PSD3: variants seen among roughly 807,000 people sequenced by gnomAD.
PSD3 encodes the protein PH and SEC7 domain-containing protein 3.
Under a neutral mutation model 105.5 loss-of-function variants are expected in PSD3, and 49 were observed. That is an observed-to-expected ratio of 0.46 (90% CI 0.37 to 0.59). PSD3 has a LOEUF of 0.59. PSD3 is among the 20% of genes least tolerant of loss of function. PSD3 has a pLI of 0.00. For missense variants in PSD3, 1,561 were observed against 1,263.8 expected (o/e 1.24, Z -3.57); for synonymous variants, 557 against 457.8 (o/e 1.22, Z -2.77).
intron 2 of PSD3, among the ~76,000 whole-genome samples, chr8:18,930,222 T>C (rs1005033818): frequency 6.6e-6 from 1 of 152,182 alleles, no homozygotes; most frequent in Non-Finnish European, 1.5e-5. Flanking sequence ...AAGCTGTCCA[T>C]AGAGATAGAG....
chr8:18,563,004 G>A (rs903967990), intron 14 of PSD3, among the ~76,000 whole-genome samples: 7 of 152,206 alleles, frequency 4.6e-5, no homozygotes, highest in African/African-American at 1.4e-4. Flanking sequence ...TCTGCATTAC[G>A]GCAGCACTTA....
intron 4 of PSD3, among the ~76,000 whole-genome samples, chr8:18,853,797 C>G (rs993353828): frequency 1.3e-5 from 2 of 152,180 alleles, no homozygotes; most frequent in Admixed American, 6.5e-5. Flanking sequence ...CTGGAGTTCA[C>G]ATGCAGTCTA....
chr8:18,776,492 G>A (rs335223), intron 8 of PSD3, among the ~76,000 whole-genome samples: 3 of 151,734 alleles, frequency 2.0e-5, no homozygotes, highest in African/African-American at 7.3e-5. Flanking sequence ...CAAGTGATTC[G>A]TCTGCCTCAG....
intron 1 of PSD3, among the ~76,000 whole-genome samples, chr8:18,990,523 AATC>A (rs1825733877): frequency 6.6e-6 from 1 of 151,912 alleles, no homozygotes; most frequent in Non-Finnish European, 1.5e-5. Flanking sequence ...CCTGGCCAGC[AATC>A]CTTCTCCTGG....
At position 18,760,262 on chromosome 8, in the gene PSD3, T is replaced by G. The variant is rs942578952; in HGVS notation, c.2172+5187A>C. ...TCTCACCTCACATACTGTTTTGTGA[T>G]GAGAACATTCAAAATCTATTCTCCT... On this transcript the variant is annotated intron_variant, in intron 9 of 15. Coordinates refer to ENST00000327040, the MANE Select transcript of PSD3 (RefSeq NM_015310.4). 5.3e-5 allele frequency among the ~76,000 whole-genome samples: 8 copies of G among 152,336 alleles called. No homozygotes were observed. The East Asian group carries it at 9.7e-4, about 18-fold the overall frequency.
intron 9 of PSD3, among the ~76,000 whole-genome samples, chr8:18,732,290 T>C (rs917956054): frequency 3.9e-5 from 6 of 152,108 alleles, no homozygotes; most frequent in African/African-American, 9.7e-5. Context: ...CATAGAACTA[T>C]CTGGACACAC....
rs149261930 is a variant in PSD3 at position 18,570,843 on chromosome 8, C to CTATCATTAT, written c.2784+1684_2784+1685insATAATGATA. On this transcript the variant is annotated intron_variant, in intron 14 of 15. Transcript: ENST00000327040. The stretch of plus-strand genomic sequence containing the variant: ...GATCACATTACTGTCCTGCTTAAAA[C>CTATCATTAT]TATTATTATTATTATTATTATTATT... Among the ~76,000 whole-genome samples, 620 of 117,416 alleles carry CTATCATTAT rather than the reference C, an allele frequency of 5.3e-3. 6 individuals carry two copies. Among genetic ancestry groups the CTATCATTAT allele is most frequent in the East Asian group, 0.016 (76 of 4,706 alleles). 77.0% of individuals were successfully genotyped at this position (117,416 alleles called of 152,430 possible).
chr8:18,742,247 C>CA (rs1280488070), intron 9 of PSD3, among the ~76,000 whole-genome samples: 1 of 151,554 alleles, frequency 6.6e-6, no homozygotes, highest in Non-Finnish European at 1.5e-5. Context: ...TATGATTTAC[C>CA]AAAAAAGAAA....
chr8:18,945,862 C>A (rs1191223489), intron 1 of PSD3, among the ~76,000 whole-genome samples: 3 of 84,158 alleles, frequency 3.6e-5, no homozygotes, highest in Admixed American at 3.1e-4. Flanking sequence ...GTAATCCCAG[C>A]TCTCAGGAGG....
intron 12 of PSD3, among the ~76,000 whole-genome samples, chr8:18,590,800 C>T (rs1296035980): frequency 6.6e-6 from 1 of 152,004 alleles, no homozygotes; most frequent in Non-Finnish European, 1.5e-5. Context: ...GATCTAGGGA[C>T]AGAAGAAACA....
At chr8:18,704,754 G>T (rs1426236183) in intron 9 of PSD3, among the ~76,000 whole-genome samples, 1 of 152,008 alleles carries the variant, frequency 6.6e-6, no homozygotes, top group Admixed American at 6.6e-5. Context: ...CAACATTCAT[G>T]TCTTTGTCCA....
At chr8:18,626,867 T>C (rs1806518543) in intron 11 of PSD3, among the ~76,000 whole-genome samples, 2 of 152,102 alleles carry the variant, frequency 1.3e-5, no homozygotes, top group Non-Finnish European at 2.9e-5. Flanking sequence ...TCCAAATATA[T>C]AACTAAACTG....
At chr8:18,571,452 C>A (rs1802133251) in intron 14 of PSD3, among the ~76,000 whole-genome samples, 1 of 152,114 alleles carries the variant, frequency 6.6e-6, no homozygotes, top group Non-Finnish European at 1.5e-5. Context: ...ACATTTCCTC[C>A]TTCACCTCCA....
At chr8:18,954,922 G>T (rs1217968248) in intron 1 of PSD3, among the ~76,000 whole-genome samples, 1 of 152,134 alleles carries the variant, frequency 6.6e-6, no homozygotes, top group Non-Finnish European at 1.5e-5. Flanking sequence ...CTTTGTAAGT[G>T]ACGTCACGTT....
intron 12 of PSD3, among the ~76,000 whole-genome samples, chr8:18,586,218 C>T (rs928276324): frequency 2.0e-5 from 3 of 152,142 alleles, no homozygotes; most frequent in East Asian, 1.9e-4. Flanking sequence ...GCCACTTTGG[C>T]TGGGATGGGA....
chr8:18,915,276 C>T (rs1387507639), intron 2 of PSD3, among the ~76,000 whole-genome samples: 3 of 152,106 alleles, frequency 2.0e-5, no homozygotes, highest in African/African-American at 7.2e-5. Flanking sequence ...TCTTGACACT[C>T]GTCTAGGCCA....
chr8:18,562,521 G>T (rs1801456726), intron 14 of PSD3, among the ~76,000 whole-genome samples: 1 of 152,130 alleles, frequency 6.6e-6, no homozygotes. Context: ...CTGCTGCCGG[G>T]TCTCCTCTGC....
intron 8 of PSD3, among the ~76,000 whole-genome samples, chr8:18,766,077 T>C (rs747444696): frequency 5.3e-5 from 8 of 152,208 alleles, no homozygotes; most frequent in African/African-American, 9.7e-5. Context: ...CTCATGTCTG[T>C]AATCCCAGCA....
intron 9 of PSD3, among the ~76,000 whole-genome samples, chr8:18,679,015 C>T (rs1800231869): frequency 9.8e-6 from 1 of 102,556 alleles, no homozygotes; most frequent in African/African-American, 3.8e-5. Flanking sequence ...TTAGGAATAA[C>T]AAAAATATGT....
Sources: allele counts gnomAD v4.1 joint callset (sites outside exome capture counted in the v4.1 genomes callset), GRCh38; gene constraint gnomAD v4.1.1; transcripts MANE v1.5; gene names NCBI Gene and HGNC (gene_info 2026-07-23, HGNC 2026-07-21).